The following RELL1 variants were observed in gnomAD, a reference collection of about 807,000 sequenced individuals.
RELL1 encodes RELT like 1, also known as RELT-like protein 1.
Under a neutral mutation model 23.0 loss-of-function variants are expected in RELL1, and 10 were observed. That is an observed-to-expected ratio of 0.43 (90% CI 0.27 to 0.74). The LOEUF is 0.74. RELL1 is among the 30% of genes least tolerant of loss of function. The pLI, the probability that RELL1 is intolerant of heterozygous loss-of-function variation, is 0.19. For synonymous variants in RELL1, 146 were observed against 146.8 expected, an observed-to-expected ratio of 0.99 and a Z score of 0.04; for missense variants, 315 against 364.4, an observed-to-expected ratio of 0.86 and a Z score of 1.10.
rs746531469 is a variant in RELL1, at chr4:37,635,018, C to T, written c.549G>A (p.Val183=). 6.8e-6 allele frequency: 11 copies of T among 1,614,118 alleles called. No homozygotes were observed. Among genetic ancestry groups the T allele is most frequent in the Admixed American group, 1.7e-5 (1 of 60,010 alleles). ...ACACATCCCTCTCGACAACACCGCC[C>T]ACCGTATGCAGATGATGGCCACAGA... ...KHVCGHHLHT[V]GGVVERDVCH... Residue 183 remains valine (V), a synonymous_variant, in exon 5 of 7, where the codon GTG becomes GTA. Transcript: ENST00000454158.
At position 37,684,032 on chromosome 4, in the gene RELL1, C is replaced by T. The variant is rs181309368; in HGVS notation, c.88+2168G>A. On this transcript the variant is annotated intron_variant, in intron 1 of 6. Transcript: ENST00000454158. ...GGAGGCGGAGCTTGCAGTGAGATCG[C>T]GCCACTGCACTCCAGCCTGGGCGAC... Among the ~76,000 whole-genome samples the T allele has an allele frequency of 2.8e-3, 420 of 152,140 alleles. 7 individuals carry two copies. In the South Asian group the frequency reaches 0.038, roughly 14 times the overall value.
chr4:37,628,685 A>G (rs1720031274), intron 6 of RELL1, among the ~76,000 whole-genome samples: 1 of 152,232 alleles, frequency 6.6e-6, no homozygotes, highest in African/African-American at 2.4e-5. Context: ...ACTACATTCC[A>G]GACTTTCTCT....
chr4:37,591,980 G>A (rs1206459074), intron 6 of RELL1, among the ~76,000 whole-genome samples: 6 of 151,870 alleles, frequency 4.0e-5, no homozygotes, highest in Admixed American at 6.6e-5. Context: ...AGGCCGAGGC[G>A]GGTGGATCAC....
chr4:37,590,405 A>G (rs1209836597), downstream of RELL1: 1 of 1,613,564 alleles, frequency 6.2e-7, no homozygotes, highest in Non-Finnish European at 8.5e-7. Context: ...AGCCCCACCC[A>G]GGATGACAGG....
chr4:37,671,031 C>G (rs114780946), intron 1 of RELL1, among the ~76,000 whole-genome samples: 2,427 of 152,292 alleles, frequency 0.016, 34 homozygotes, highest in Non-Finnish European at 0.022. Flanking sequence ...AAACCCAGTT[C>G]TCCAACACCA....
chr4:37,634,755 C>A, intron 5 of RELL1, 132 bp downstream of exon 5: 1 of 797,056 alleles, frequency 1.3e-6, no homozygotes. Context: ...CACCAGAAAA[C>A]ATCTAAAAAG....
downstream of RELL1, among the ~76,000 whole-genome samples, chr4:37,607,579 C>CTT (rs59939694): frequency 8.8e-6 from 1 of 113,960 alleles, no homozygotes; most frequent in African/African-American, 3.3e-5. Flanking sequence ...TCTTTCTTTT[C>CTT]TTTTTTTTTT....
intron 1 of RELL1, among the ~76,000 whole-genome samples, chr4:37,669,069 C>G (rs1333620939): frequency 7.6e-6 from 1 of 131,994 alleles, no homozygotes; most frequent in African/African-American, 3.4e-5. Flanking sequence ...GGGTCAGCCC[C>G]CCGCCTGGCC....
chr4:37,659,823 A>G (rs756098087), intron 1 of RELL1, among the ~76,000 whole-genome samples: 3 of 152,052 alleles, frequency 2.0e-5, no homozygotes. Context: ...CTCAAATCCA[A>G]CCACAGACTA....
intron 1 of RELL1, among the ~76,000 whole-genome samples, chr4:37,683,263 G>C (rs759738101): frequency 2.2e-4 from 33 of 152,132 alleles, no homozygotes; most frequent in Non-Finnish European, 2.6e-4. Context: ...ATGAACTTTG[G>C]AATCAAGCAG....
chr4:37,682,859 G>C (rs1008138994), intron 1 of RELL1, among the ~76,000 whole-genome samples: 1 of 152,132 alleles, frequency 6.6e-6, no homozygotes, highest in Non-Finnish European at 1.5e-5. Flanking sequence ...CCAGCCCCAG[G>C]ACCTCTTCCA....
intron 3 of RELL1, among the ~76,000 whole-genome samples, chr4:37,640,505 C>T (rs540769794): frequency 6.6e-6 from 1 of 152,082 alleles, no homozygotes; most frequent in Non-Finnish European, 1.5e-5. Context: ...ATACAAAATA[C>T]AGTAGTCCTC....
intron 6 of RELL1, among the ~76,000 whole-genome samples, chr4:37,596,709 CATAT>C (rs1215240304): frequency 0.13 from 2,146 of 16,686 alleles, 217 homozygotes; most frequent in Middle Eastern, 0.21. Flanking sequence ...CAAAACTGGG[CATAT>C]ATATATATAT....
At chr4:37,595,527 G>C (rs1297852710) in intron 6 of RELL1, among the ~76,000 whole-genome samples, 2 of 152,146 alleles carry the variant, frequency 1.3e-5, no homozygotes, top group Non-Finnish European at 2.9e-5. Flanking sequence ...TTCCCGGTCT[G>C]GTTGGGGAGA....
intron 1 of RELL1, among the ~76,000 whole-genome samples, chr4:37,669,269 C>G (rs1721697677): frequency 7.0e-6 from 1 of 143,840 alleles, no homozygotes; most frequent in African/African-American, 2.7e-5. Context: ...GCCGCCCCAT[C>G]CGGGAGGTGA....
chr4:37,607,684 A>T (rs1332955111), downstream of RELL1, among the ~76,000 whole-genome samples: 2 of 150,776 alleles, frequency 1.3e-5, no homozygotes, highest in Admixed American at 1.3e-4. Flanking sequence ...GGTTCAAGCA[A>T]TTCCCCTGCC....
At position 37,591,094 on chromosome 4, in the gene RELL1, T is replaced by G; in HGVS notation, c.*127A>C. The G allele has an allele frequency of 5.9e-6, 6 of 1,023,314 alleles. No individual in the cohort carries two copies. In the Admixed American group the frequency reaches 9.4e-5, roughly 16 times the overall value. 63.4% of individuals were successfully genotyped at this position (1,023,314 alleles called of 1,614,324 possible). Reference sequence around the variant, plus strand: ...TGCATAGCAGGTGATTCTGCCAGCATGCACCAGTGCAGCCTTACCAGTTGT... The same window carrying G: ...TGCATAGCAGGTGATTCTGCCAGCAGGCACCAGTGCAGCCTTACCAGTTGT... On this transcript the variant is annotated 3_prime_UTR_variant, in exon 7 of 7. Coordinates refer to the RELL1 transcript ENST00000314117.
chr4:37,638,987 T>C (rs2109269116), intron 3 of RELL1, among the ~76,000 whole-genome samples: 1 of 152,324 alleles, frequency 6.6e-6, no homozygotes, highest in South Asian at 2.1e-4. Context: ...TGAATCCTCC[T>C]GTAGCATCAA....
At chr4:37,620,364 T>C (rs893680207) in intron 6 of RELL1, among the ~76,000 whole-genome samples, 5 of 152,232 alleles carry the variant, frequency 3.3e-5, no homozygotes, top group African/African-American at 1.2e-4. Context: ...TTAGCAACAA[T>C]GGGTTTCCCA....
Sources: allele counts gnomAD v4.1 joint callset (sites outside exome capture counted in the v4.1 genomes callset), GRCh38; gene constraint gnomAD v4.1.1; transcripts MANE v1.5; gene names NCBI Gene and HGNC (gene_info 2026-07-23, HGNC 2026-07-21).